TBC1D7: variants seen among roughly 807,000 people sequenced by gnomAD.
The protein encoded by TBC1D7 is TBC1 domain family member 7, also known as TBC domain family 7.
Under a neutral mutation model 35.3 loss-of-function variants are expected in TBC1D7, and 33 were observed. The ratio of observed to expected loss-of-function variants is 0.93; its 90% CI spans 0.71 to 1.25. The LOEUF (loss-of-function observed/expected upper bound fraction) is 1.25. Ranked by LOEUF, TBC1D7 falls within the 50% of genes most tolerant of loss-of-function variation. TBC1D7 has a pLI of 0.00. For missense variants in TBC1D7, 362 were observed against 365.3 expected (o/e 0.99, Z 0.07); for synonymous variants, 135 against 129.5 (o/e 1.04, Z -0.29).
chr6:13,327,177 C>T (rs746538987), intron 1 of TBC1D7, among the ~76,000 whole-genome samples: 1 of 152,134 alleles, frequency 6.6e-6, no homozygotes, highest in Non-Finnish European at 1.5e-5. Flanking sequence ...CACTAGGTTT[C>T]CCACTATACC....
rs986620067 is a variant in TBC1D7, at chr6:13,323,747, A to C, written c.193+1347T>G. Reference sequence around the variant, plus strand: ...TATTCCCTCGCTGCCTCCATATTACATAACCAGACAGGGCTGCAGGCTTCT... The same window carrying C: ...TATTCCCTCGCTGCCTCCATATTACCTAACCAGACAGGGCTGCAGGCTTCT... On this transcript the variant is annotated intron_variant, in intron 3 of 7. Coordinates refer to ENST00000379300, the MANE Select transcript of TBC1D7 (RefSeq NM_016495.6). 3.3e-5 allele frequency: 5 copies of C among 152,282 alleles called. No individual in the cohort carries two copies. In the East Asian group the frequency reaches 9.6e-4, roughly 29 times the overall value. 9.4% of individuals were successfully genotyped at this position (152,282 alleles called of 1,614,324 possible). A position where few individuals can be genotyped will look rare whatever the true frequency, so the allele number is the denominator to read the frequency against.
chr6:13,310,083 CTA>C (rs1378792323), intron 5 of TBC1D7, among the ~76,000 whole-genome samples: 21 of 152,290 alleles, frequency 1.4e-4, no homozygotes, highest in African/African-American at 4.3e-4. Flanking sequence ...ATGGAAAAGA[CTA>C]TGAGCTCTAT....
chr6:13,316,611 T>C lies in TBC1D7; in HGVS notation c.479A>G (p.Asn160Ser), dbSNP rs146572732. The C allele has an allele frequency of 9.9e-6, 16 of 1,613,454 alleles. No individual in the cohort carries two copies. The highest frequency in any genetic ancestry group is 4.5e-5 in the East Asian group (2 of 44,876). The change falls in exon 5 of 8, where the codon AAC becomes AGC. Residue 160 changes from asparagine to serine, a missense_variant. Physicochemically the swap from Asn to Ser is conservative, Grantham distance 46 (BLOSUM62 1). Coordinates refer to ENST00000379300, the MANE Select transcript of TBC1D7 (RefSeq NM_016495.6). ...DCYWITRRFV[N>S]QLNTKYRDSL... ...ATCCCGGTACTTGGTATTTAATTGG[T>C]TCACAAAGCGTCGGGTGATCCAGTA...
In TBC1D7 at chr6:13,320,930, G is replaced by T. The variant is rs573737052; in HGVS notation, c.359C>A (p.Pro120His). The T allele has an allele frequency of 6.2e-7, 1 of 1,614,130 alleles. No individual in the cohort carries two copies. Among genetic ancestry groups the T allele is most frequent in the East Asian group, 2.2e-5 (1 of 44,890 alleles). The change falls in exon 4 of 8, where the codon CCT becomes CAT. Residue 120 changes from proline to histidine, a missense_variant. Transcript: ENST00000379300. ...AACCAGTGGAAAAGAGGGACTTCGA[G>T]GTAACTTCCCAGACTCCAGCTGATA... ...RMYQLESGKLPRSPSFPLEPD... is the reference protein window; with the variant it reads ...RMYQLESGKLHRSPSFPLEPD...
Position 13,326,836 on chromosome 6 carries a change from T to C in TBC1D7, c.63A>G (p.Gly21=), listed in dbSNP as rs1047977173. ...SVYYEKVGFR[G]VEEKKSLEIL... is the part of the protein sequence containing the mutation. ...TTTCTAATGATTTCTTTTCTTCAAC[T>C]CCACGAAACCCCACTTTCTCATAAT... is the stretch of plus-strand genomic sequence containing the variant. The change falls in exon 2 of 8, where the codon GGA becomes GGG. Residue 21 remains glycine, a synonymous_variant. Coordinates refer to ENST00000379300, the MANE Select transcript of TBC1D7 (RefSeq NM_016495.6). The C allele has an allele frequency of 1.9e-6, 3 of 1,613,248 alleles. No individual in the cohort carries two copies. In the African/African-American group the frequency reaches 4.0e-5, roughly 22 times the overall value.
rs777367013 is a variant in TBC1D7 at position 13,325,098 on chromosome 6, A to C, written c.189T>G (p.Leu63=). 28 of 1,610,288 alleles carry C rather than the reference A, an allele frequency of 1.7e-5. No homozygotes were observed. In the South Asian group the frequency reaches 3.1e-4, roughly 18 times the overall value. Residue 63 remains leucine (L), a synonymous_variant, in exon 3 of 8, where the codon CTT becomes CTG. Coordinates refer to ENST00000379300, the MANE Select transcript of TBC1D7 (RefSeq NM_016495.6). ...SMYRALVWKV[L]LGILPPHHES... ...TCCAACTCCTGGGTCTCATACCTAG[A>C]AGCACCTTCCATACCAATGCACGGT...
chr6:13,306,688 G>A (rs1217005182), intron 6 of TBC1D7, 161 bp from the exon 7 acceptor site: 2 of 497,548 alleles, frequency 4.0e-6, no homozygotes, highest in South Asian at 7.3e-5. Flanking sequence ...ACAAAATACA[G>A]AAGCCATTTG....
chr6:13,325,999 G>C (rs768691128), intron 2 of TBC1D7, among the ~76,000 whole-genome samples: 3 of 152,182 alleles, frequency 2.0e-5, no homozygotes, highest in Non-Finnish European at 4.4e-5. Context: ...CACAATTGAA[G>C]ATCAAAGATA....
At chr6:13,310,653 AG>A (rs1316934622) in intron 5 of TBC1D7, among the ~76,000 whole-genome samples, 5 of 150,636 alleles carry the variant, frequency 3.3e-5, no homozygotes, top group African/African-American at 1.2e-4. Context: ...AAAAAAAAAA[AG>A]AATATTGTTT....
rs1421294039 is a variant in TBC1D7, at chr6:13,316,689, AAC to A, written c.399_400del (p.Phe134SerfsTer5). The A allele has an allele frequency of 6.8e-6, 11 of 1,614,152 alleles. No individual in the cohort carries two copies. Among genetic ancestry groups the A allele is most frequent in the Non-Finnish European group, 9.3e-6 (11 of 1,179,998 alleles). Reference sequence around the variant, plus strand: ...CTCCATGGCTTTAGCTATGGCAAGAAACACTTCATCATCTGGCTCCTGAAAGA... The same window carrying A: ...CTCCATGGCTTTAGCTATGGCAAGAAACTTCATCATCTGGCTCCTGAAAGA... On this transcript the variant is annotated frameshift_variant, in exon 5 of 8. Coordinates refer to ENST00000379300, the MANE Select transcript of TBC1D7 (RefSeq NM_016495.6). LOFTEE classifies it high-confidence loss of function.
At chr6:13,327,978 G>A (rs1784512374) in intron 1 of TBC1D7, 1 of 152,156 alleles carries the variant, frequency 6.6e-6, no homozygotes, top group Admixed American at 6.5e-5. Context: ...ATTAGGATTC[G>A]TTTAGAAAAT....
chr6:13,306,542 A>C lies in TBC1D7; in HGVS notation c.666-15T>G, dbSNP rs754600300. The C allele has an allele frequency of 2.6e-6, 4 of 1,562,240 alleles. No homozygotes were observed. The highest frequency in any genetic ancestry group is 3.5e-6 in the Non-Finnish European group (4 of 1,156,904). On this transcript the variant is annotated splice_polypyrimidine_tract_variant and intron_variant, in intron 6 of 7. Coordinates refer to ENST00000379300, the MANE Select transcript of TBC1D7 (RefSeq NM_016495.6). ...TATCCCAAACCCTACAAAAATAAGG[A>C]GATATAATCAAATTATATGAGTTTC...
chr6:13,324,089 A>G (rs1010083339), intron 3 of TBC1D7, among the ~76,000 whole-genome samples: 1 of 151,970 alleles, frequency 6.6e-6, no homozygotes, highest in Non-Finnish European at 1.5e-5. Context: ...ACTCGCCACT[A>G]TCTTACAGTG....
intron 5 of TBC1D7, among the ~76,000 whole-genome samples, chr6:13,314,663 T>C (rs1025176272): frequency 6.6e-6 from 1 of 152,176 alleles, no homozygotes; most frequent in African/African-American, 2.4e-5. Flanking sequence ...TTGAAATATA[T>C]AAAAACTGCT....
At chr6:13,312,246 G>A (rs879039691) in intron 5 of TBC1D7, among the ~76,000 whole-genome samples, 2 of 152,198 alleles carry the variant, frequency 1.3e-5, no homozygotes, top group Admixed American at 6.5e-5. Flanking sequence ...ACGGGGAGAA[G>A]AGGAACAGGA....
intron 5 of TBC1D7, among the ~76,000 whole-genome samples, chr6:13,311,358 T>C (rs1053049854): frequency 1.3e-5 from 2 of 152,218 alleles, no homozygotes; most frequent in East Asian, 3.8e-4. Flanking sequence ...AGAGAGGCTA[T>C]GATGCAATCC....
At chr6:13,307,523 T>A in intron 6 of TBC1D7, 77 bp downstream of exon 6, 2 of 1,472,700 alleles carry the variant, frequency 1.4e-6, no homozygotes, top group South Asian at 2.4e-5. Flanking sequence ...ATTTATAATC[T>A]GAGGGATGAC....
intron 3 of TBC1D7, chr6:13,323,788 T>C (rs1484445446): frequency 1.3e-5 from 2 of 152,218 alleles, no homozygotes. Context: ...CCTGAAAAGA[T>C]ACTACATTTT....
chr6:13,321,165 A>C (rs1419171212), intron 3 of TBC1D7, 70 bp from the exon 4 acceptor site: 9 of 1,405,928 alleles, frequency 6.4e-6, no homozygotes, highest in Middle Eastern at 1.8e-4. Flanking sequence ...TCATCTATGA[A>C]AGAGGATGCC....
Sources: allele counts gnomAD v4.1 joint callset (sites outside exome capture counted in the v4.1 genomes callset), GRCh38; gene constraint gnomAD v4.1.1; transcripts MANE v1.5; gene names NCBI Gene and HGNC (gene_info 2026-07-23, HGNC 2026-07-21).